WDR75: variants seen among roughly 807,000 people sequenced by gnomAD.
The protein encoded by WDR75 is WD repeat-containing protein 75.
WDR75 carries 52 observed loss-of-function variants against 106.1 expected under a neutral mutation model. The observed-to-expected ratio is 0.49, with a 90% CI of 0.39 to 0.62. The LOEUF is 0.62. Among genes scored for constraint, WDR75 ranks in the 20% least tolerant of loss-of-function variants. The probability of loss-of-function intolerance (pLI) is 0.00; values close to 1 mark genes in which losing one functional copy is unlikely to be tolerated. For missense variants in WDR75, 905 were observed against 970.3 expected (o/e 0.93, Z 0.89); for synonymous variants, 333 against 335.5 (o/e 0.99, Z 0.08).
chr2:189,475,072 A>T lies in WDR75; in HGVS notation c.2289-141A>T, dbSNP rs914851201. On this transcript the variant is annotated intron_variant, in intron 20 of 20. Coordinates refer to ENST00000314761, the MANE Select transcript of WDR75 (RefSeq NM_032168.3). ...AAATTCACCTGCTCTTTTATAAATA[A>T]CCCATAATTTTTAAAGTGTACTTAG... 5 of 727,326 alleles carry T rather than the reference A, an allele frequency of 6.9e-6. No homozygotes were observed. The African/African-American group carries it at 7.2e-5, about 10-fold the overall frequency. 45.1% of individuals were successfully genotyped at this position (727,326 alleles called of 1,614,324 possible).
rs1553485657 is a variant in WDR75, at chr2:189,457,348, C to A, written c.536C>A (p.Ser179Tyr). The part of the protein sequence containing the change: ...YVAAVREFYL[S>Y]VYFFKKKTTS... ...GCTGCAGTACGGGAATTTTACTTGT[C>A]TGTTTATTTTTTCAAAAAGAAAACA... The change falls in exon 6 of 21, where the codon TCT (serine) becomes TAT (tyrosine). Residue 179 changes from serine to tyrosine, a missense_variant. Physicochemically the swap from Ser to Tyr is moderately radical, Grantham distance 144. Transcript: ENST00000314761. 2 of 1,604,074 alleles carry A rather than the reference C, an allele frequency of 1.2e-6. No individual in the cohort carries two copies. The highest frequency in any genetic ancestry group is 4.5e-5 in the East Asian group (2 of 44,708).
rs1470469915 is a variant in WDR75, at chr2:189,470,838, CAA to C, written c.2011_2012del (p.Lys671ValfsTer37). ...TTTCAGAGTTTATTGACATTCAGTACAAAGTCTCCAGAAGAAAAACTCACACC... is the reference window on the plus strand; with the variant it reads ...TTTCAGAGTTTATTGACATTCAGTACAGTCTCCAGAAGAAAAACTCACACC... On this transcript the variant is annotated frameshift_variant, in exon 18 of 21. Coordinates refer to ENST00000314761, the MANE Select transcript of WDR75 (RefSeq NM_032168.3). LOFTEE classifies it high-confidence loss of function. 1.3e-6 allele frequency: 2 copies of C among 1,594,714 alleles called. No homozygotes were observed. The highest frequency in any genetic ancestry group is 1.4e-5 in the African/African-American group (1 of 74,006).
intron 11 of WDR75, chr2:189,464,207 C>A: frequency 2.1e-6 from 1 of 470,664 alleles, no homozygotes; most frequent in South Asian, 3.1e-5. Flanking sequence ...TCAGAATGCC[C>A]TCCTATTAGC....
chr2:189,458,323 C>A (rs112478021), intron 6 of WDR75, among the ~76,000 whole-genome samples: 9,863 of 152,192 alleles, frequency 0.065, 496 homozygotes, highest in African/African-American at 0.14. Context: ...GATATTATAA[C>A]AAGTAGATTG....
chr2:189,454,987 A>G (rs977812579), intron 4 of WDR75, among the ~76,000 whole-genome samples: 1 of 152,104 alleles, frequency 6.6e-6, no homozygotes, highest in East Asian at 1.9e-4. Context: ...CCTCACACCT[A>G]TAATAGCAAT....
At chr2:189,455,488 C>A (rs767145340) in intron 5 of WDR75, 44 bp downstream of exon 5, 4 of 1,582,420 alleles carry the variant, frequency 2.5e-6, no homozygotes, top group South Asian at 1.2e-5. Context: ...CCTAAAATTT[C>A]TTTCCTGCAA....
chr2:189,463,039 C>G (rs1363065404), intron 9 of WDR75, among the ~76,000 whole-genome samples: 1 of 152,096 alleles, frequency 6.6e-6, no homozygotes, highest in African/African-American at 2.4e-5. Context: ...GGGCAAGAGT[C>G]CTGTAGATTT....
rs1687180538 is a variant in WDR75 at position 189,474,799 on chromosome 2, A to G, written c.2279A>G (p.Glu760Gly). 1.9e-6 allele frequency: 3 copies of G among 1,613,624 alleles called. No individual in the cohort carries two copies. The highest frequency in any genetic ancestry group is 1.7e-5 in the Admixed American group (1 of 59,986). ...MFVNSLLLSK[E>G]TKSAKEIPED... is the part of the protein sequence containing the mutation. Reference sequence around the variant, plus strand: ...GTAAATTCATTGCTGCTGTCTAAAGAGACTAAGAGGTAAAGCAGTTCTTAA... The same window carrying G: ...GTAAATTCATTGCTGCTGTCTAAAGGGACTAAGAGGTAAAGCAGTTCTTAA... The change falls in exon 20 of 21, where the codon GAG (glutamate) becomes GGG (glycine). Residue 760 changes from glutamate to glycine, a missense_variant. Coordinates refer to ENST00000314761, the MANE Select transcript of WDR75 (RefSeq NM_032168.3).
intron 18 of WDR75, 120 bp from the exon 19 acceptor site, chr2:189,474,066 G>C: frequency 9.2e-7 from 1 of 1,085,582 alleles, no homozygotes; most frequent in South Asian, 1.7e-5. Flanking sequence ...ATACTAACTG[G>C]ATAATTTGTA....
intron 2 of WDR75, 137 bp from the exon 3 acceptor site, chr2:189,450,766 A>C: frequency 6.9e-7 from 1 of 1,456,046 alleles, no homozygotes; most frequent in Non-Finnish European, 8.9e-7. Context: ...AGCAATATAA[A>C]TAAATGACTC....
intron 9 of WDR75, 97 bp downstream of exon 9, chr2:189,462,739 T>C (rs926918310): frequency 4.1e-6 from 5 of 1,205,482 alleles, no homozygotes; most frequent in East Asian, 4.9e-5. Flanking sequence ...AAACTAAGAG[T>C]AGCGTATGAG....
At chr2:189,469,076 G>T (rs946962321) in intron 15 of WDR75, among the ~76,000 whole-genome samples, 12 of 152,088 alleles carry the variant, frequency 7.9e-5, no homozygotes, top group Admixed American at 3.3e-4. Context: ...TTAACATACT[G>T]TACACATTTA....
chr2:189,444,088 A>G (rs1437933110), intron 1 of WDR75, among the ~76,000 whole-genome samples: 1 of 148,114 alleles, frequency 6.8e-6, no homozygotes, highest in Non-Finnish European at 1.5e-5. Flanking sequence ...CTTGGTCAAG[A>G]TTTAGAGATT....
intron 13 of WDR75, 42 bp from the exon 14 acceptor site, chr2:189,467,426 C>T (rs375705155): frequency 8.9e-5 from 137 of 1,538,786 alleles, no homozygotes; most frequent in Non-Finnish European, 1.1e-4. Flanking sequence ...CATTCTCTAG[C>T]ATTTACACAA....
chr2:189,458,927 C>G (rs1388051156), intron 7 of WDR75, 55 bp downstream of exon 7: 4 of 1,528,190 alleles, frequency 2.6e-6, no homozygotes, highest in Non-Finnish European at 3.5e-6. Context: ...TTACGTTAGT[C>G]CTGTAGAACA....
chr2:189,471,135 A>G (rs994445366), intron 18 of WDR75, among the ~76,000 whole-genome samples: 1 of 152,168 alleles, frequency 6.6e-6, no homozygotes, highest in Non-Finnish European at 1.5e-5. Flanking sequence ...AACTTCTCCA[A>G]CACCACTACC....
At position 189,468,568 on chromosome 2, in the gene WDR75, A is replaced by G. The variant is rs780037933; in HGVS notation, c.1722A>G (p.Ala574=). 3.7e-6 allele frequency: 6 copies of G among 1,612,994 alleles called. No individual in the cohort carries two copies. Among genetic ancestry groups the G allele is most frequent in the Non-Finnish European group, 4.2e-6 (5 of 1,179,202 alleles). ...ILCCWNLLSC[A]LEWNAKLNVR... Reference sequence around the variant, plus strand: ...GCTGTTGGAATCTGCTGAGCTGTGCATGTAAGATATTTTTTACTCTAAAGT... The same window carrying G: ...GCTGTTGGAATCTGCTGAGCTGTGCGTGTAAGATATTTTTTACTCTAAAGT... Residue 574 remains alanine, a splice_region_variant and synonymous_variant, in exon 15 of 21, where the codon GCA becomes GCG. Coordinates refer to ENST00000314761, the MANE Select transcript of WDR75 (RefSeq NM_032168.3).
Position 189,451,091 on chromosome 2 carries a change from A to G in WDR75, c.282+123A>G. ...AGACTTCCTAAACAAGTTACAAAAT[A>G]ACATCAAAAAAATTAATTTGACTAT... On this transcript the variant is annotated intron_variant, in intron 3 of 20. Coordinates refer to ENST00000314761, the MANE Select transcript of WDR75 (RefSeq NM_032168.3). 3 of 1,230,020 alleles carry G rather than the reference A, an allele frequency of 2.4e-6. No homozygotes were observed. In the South Asian group the frequency reaches 8.2e-5, roughly 34 times the overall value. 76.2% of individuals were successfully genotyped at this position (1,230,020 alleles called of 1,614,324 possible). A position where few individuals can be genotyped will look rare whatever the true frequency, so the allele number is the denominator to read the frequency against.
At chr2:189,444,803 C>T (rs987089437) in intron 1 of WDR75, among the ~76,000 whole-genome samples, 2 of 152,166 alleles carry the variant, frequency 1.3e-5, no homozygotes, top group Admixed American at 6.5e-5. Flanking sequence ...TTTCCTGATA[C>T]TACCCATTAT....
Sources: allele counts gnomAD v4.1 joint callset (sites outside exome capture counted in the v4.1 genomes callset), GRCh38; gene constraint gnomAD v4.1.1; transcripts MANE v1.5; gene names NCBI Gene and HGNC (gene_info 2026-07-23, HGNC 2026-07-21).